Variants in SLC25A21 observed in about 807,000 individuals in gnomAD.
SLC25A21 encodes solute carrier family 25 member 21.
SLC25A21 carries 47 observed loss-of-function variants against 43.8 expected under a neutral mutation model. The observed-to-expected ratio is 1.07, with a 90% CI of 0.85 to 1.37. The LOEUF (loss-of-function observed/expected upper bound fraction) is 1.37, where lower values mean the gene tolerates loss of function less well. SLC25A21 is among the 40% of genes most tolerant of loss of function. The probability of loss-of-function intolerance (pLI) is 0.00; values close to 1 mark genes in which losing one functional copy is unlikely to be tolerated. For missense variants in SLC25A21, 352 were observed against 350.2 expected (o/e 1.00, Z -0.04); for synonymous variants, 131 against 121.3 (o/e 1.08, Z -0.52).
intron 1 of SLC25A21, among the ~76,000 whole-genome samples, chr14:37,012,079 T>A (rs550214620): frequency 2.1e-4 from 32 of 152,314 alleles, no homozygotes; most frequent in Admixed American, 5.9e-4. Flanking sequence ...GCTCTGACTA[T>A]GCCTATCCAG....
At chr14:36,728,358 C>G (rs1184467381) in intron 5 of SLC25A21, among the ~76,000 whole-genome samples, 1 of 152,174 alleles carries the variant, frequency 6.6e-6, no homozygotes, top group East Asian at 1.9e-4. Flanking sequence ...CAAGAACAGC[C>G]AGCTGGCCCT....
intron 7 of SLC25A21, among the ~76,000 whole-genome samples, chr14:36,687,651 T>G (rs1443347138): frequency 6.6e-6 from 1 of 152,194 alleles, no homozygotes; most frequent in Admixed American, 6.5e-5. Flanking sequence ...CATCCCAGGC[T>G]GGGCCTGTGT....
At chr14:37,114,413 G>A (rs992445359) in intron 1 of SLC25A21, among the ~76,000 whole-genome samples, 5 of 152,204 alleles carry the variant, frequency 3.3e-5, no homozygotes, top group Admixed American at 6.5e-5. Context: ...AATTAAATGT[G>A]TTTGTTTTCT....
intron 3 of SLC25A21, among the ~76,000 whole-genome samples, chr14:36,756,416 C>T (rs1248611076): frequency 6.6e-6 from 1 of 152,214 alleles, no homozygotes; most frequent in Non-Finnish European, 1.5e-5. Flanking sequence ...TGACGTGGTT[C>T]ACGAGGCTCC....
In SLC25A21 at chr14:37,073,323, C is replaced by A. The variant is rs192251188; in HGVS notation, c.70+98958G>T. ...TTTTTCCAATCCACTATATAAGTAA[C>A]TGACTCTAACTGCTTCTTTGGGTCA... On this transcript the variant is annotated intron_variant, in intron 1 of 9. Transcript: ENST00000331299. Among the ~76,000 whole-genome samples, 329 of 152,316 alleles carry A rather than the reference C, an allele frequency of 2.2e-3. 2 individuals are homozygous for A. Among genetic ancestry groups the A allele is most frequent in the Admixed American group, 3.7e-3 (56 of 15,300 alleles).
At chr14:36,911,941 T>G (rs917210213) in intron 1 of SLC25A21, among the ~76,000 whole-genome samples, 4 of 152,168 alleles carry the variant, frequency 2.6e-5, no homozygotes, top group African/African-American at 9.7e-5. Context: ...TGAAGTTACT[T>G]TCCTAATCAT....
chr14:37,087,446 G>A (rs1429768880), intron 1 of SLC25A21, among the ~76,000 whole-genome samples: 1 of 152,118 alleles, frequency 6.6e-6, no homozygotes, highest in Non-Finnish European at 1.5e-5. Context: ...TTCCCTTTGG[G>A]AAGGCTAGTC....
At chr14:36,834,266 G>A (rs918225660) in intron 2 of SLC25A21, among the ~76,000 whole-genome samples, 1 of 152,126 alleles carries the variant, frequency 6.6e-6, no homozygotes, top group Non-Finnish European at 1.5e-5. Flanking sequence ...ACTGACTTTC[G>A]ATCAGGCAAG....
chr14:36,813,791 T>C (rs1171868115), intron 3 of SLC25A21, 127 bp downstream of exon 3: 7 of 662,514 alleles, frequency 1.1e-5, no homozygotes, highest in Middle Eastern at 4.0e-4. Flanking sequence ...AGGAAAAACA[T>C]AACAAAGTAG....
chr14:37,172,189 C>CTTCA, intron 1 of SLC25A21, 92 bp downstream of exon 1: 1 of 1,314,250 alleles, frequency 7.6e-7, no homozygotes, highest in Admixed American at 2.3e-5. Flanking sequence ...GAGGGCAGAA[C>CTTCA]TTCAGTAAGG....
chr14:36,966,381 A>T (rs1959616072), intron 1 of SLC25A21, among the ~76,000 whole-genome samples: 1 of 152,182 alleles, frequency 6.6e-6, no homozygotes, highest in African/African-American at 2.4e-5. Flanking sequence ...AAATTAGAGG[A>T]AATTCTTGAG....
chr14:36,832,271 A>C (rs762073909), intron 2 of SLC25A21, among the ~76,000 whole-genome samples: 97 of 152,222 alleles, frequency 6.4e-4, no homozygotes, highest in Admixed American at 7.2e-4. Flanking sequence ...ATATATATAT[A>C]TCTTCATTAT....
intron 1 of SLC25A21, among the ~76,000 whole-genome samples, chr14:36,913,468 G>T (rs993977620): frequency 1.3e-5 from 2 of 152,130 alleles, no homozygotes; most frequent in Admixed American, 6.6e-5. Context: ...TAAAGACAGG[G>T]TCTCATTATG....
chr14:36,789,492 A>G (rs1401731221), intron 3 of SLC25A21, among the ~76,000 whole-genome samples: 3 of 151,660 alleles, frequency 2.0e-5, no homozygotes, highest in Admixed American at 1.3e-4. Context: ...CTCTCCTGAA[A>G]TCAATTTTGT....
intron 1 of SLC25A21, among the ~76,000 whole-genome samples, chr14:36,979,636 G>A (rs979466493): frequency 6.6e-6 from 1 of 152,100 alleles, no homozygotes; most frequent in Non-Finnish European, 1.5e-5. Context: ...TATTACAGGC[G>A]CAAGCCACCA....
chr14:36,909,860 TA>T (rs1467178816), intron 1 of SLC25A21, among the ~76,000 whole-genome samples: 1 of 151,866 alleles, frequency 6.6e-6, no homozygotes, highest in African/African-American at 2.4e-5. Flanking sequence ...AGGGAATATA[TA>T]GATTTTTTTT....
intron 1 of SLC25A21, among the ~76,000 whole-genome samples, chr14:36,880,865 C>T (rs566575886): frequency 5.8e-4 from 89 of 152,246 alleles, no homozygotes; most frequent in African/African-American, 2.1e-3. Context: ...AATAGACTGA[C>T]AGATGATTGT....
intron 3 of SLC25A21, among the ~76,000 whole-genome samples, chr14:36,734,839 C>T (rs1884970534): frequency 6.6e-6 from 1 of 152,190 alleles, no homozygotes; most frequent in African/African-American, 2.4e-5. Context: ...ATGAATCTGA[C>T]TGTCCTTACT....
chr14:36,862,525 T>C (rs1260870969), intron 2 of SLC25A21, among the ~76,000 whole-genome samples: 1 of 152,014 alleles, frequency 6.6e-6, no homozygotes, highest in Non-Finnish European at 1.5e-5. Context: ...AACCAAACAG[T>C]GCATGTTCTC....
Sources: gnomAD v4.1 joint callset for allele counts (sites outside exome capture counted in the v4.1 genomes callset) on GRCh38, gnomAD v4.1.1 for gene constraint, MANE v1.5 for transcripts, NCBI Gene and HGNC (gene_info 2026-07-23, HGNC 2026-07-21) for gene names.